DIP2B: variants seen among roughly 807,000 people sequenced by gnomAD.
The protein encoded by DIP2B is disco-interacting protein 2 homolog B.
DIP2B carries 76 observed loss-of-function variants against 198.0 expected under a neutral mutation model. The ratio of observed to expected loss-of-function variants is 0.38; its 90% CI spans 0.32 to 0.46. The LOEUF (loss-of-function observed/expected upper bound fraction) is 0.46, where lower values mean the gene tolerates loss of function less well. DIP2B is among the 20% of genes least tolerant of loss of function. The probability of loss-of-function intolerance (pLI) is 0.99; values close to 1 mark genes in which losing one functional copy is unlikely to be tolerated. For synonymous variants in DIP2B, 701 were observed against 739.1 expected, an observed-to-expected ratio of 0.95 and a Z score of 0.84; for missense variants, 1,559 against 1,978.4, an observed-to-expected ratio of 0.79 and a Z score of 4.02.
At chr12:50,526,806 T>C (rs1958170002) in intron 1 of DIP2B, among the ~76,000 whole-genome samples, 1 of 152,080 alleles carries the variant, frequency 6.6e-6, no homozygotes, top group African/African-American at 2.4e-5. Context: ...TGGCTACTTT[T>C]TGTATTTTTA....
At chr12:50,535,342 G>A (rs1233197044) in intron 1 of DIP2B, among the ~76,000 whole-genome samples, 6 of 151,478 alleles carry the variant, frequency 4.0e-5, no homozygotes, top group Admixed American at 1.3e-4. Flanking sequence ...AAGGCAGGAC[G>A]ATTGCTTGAG....
In DIP2B at chr12:50,660,215, AG is replaced by A. The variant is rs1209047314; in HGVS notation, c.325del (p.Ala109LeufsTer46). The A allele has an allele frequency of 6.2e-7, 1 of 1,612,276 alleles. No homozygotes were observed. Among genetic ancestry groups the A allele is most frequent in the Non-Finnish European group, 8.5e-7 (1 of 1,179,284 alleles). On this transcript the variant is annotated frameshift_variant, in exon 4 of 38. Transcript: ENST00000301180. LOFTEE classifies it high-confidence loss of function. ...TCAGATATCCACACAGAAGCAGTTC[AG>A]GCTGCACTGGCAAAGCATAAAGAAC... is the stretch of plus-strand genomic sequence containing the variant. ...YRSDIHTEAV[Q>X]AALAKHKEQK...
intron 1 of DIP2B, among the ~76,000 whole-genome samples, chr12:50,536,566 T>C (rs191058479): frequency 1.6e-5 from 2 of 125,154 alleles, no homozygotes; most frequent in Admixed American, 8.1e-5. Context: ...AAATAATAAT[T>C]GTGTTTTGTT....
chr12:50,733,989 T>A (rs1315298838), intron 32 of DIP2B, 146 bp from the exon 33 acceptor site: 2 of 777,064 alleles, frequency 2.6e-6, no homozygotes, highest in Non-Finnish European at 4.4e-6. Context: ...GTGATAAGAG[T>A]GAGAGCAGGG....
chr12:50,582,298 G>A (rs1259194668), intron 1 of DIP2B, among the ~76,000 whole-genome samples: 6 of 151,576 alleles, frequency 4.0e-5, no homozygotes, highest in Middle Eastern at 6.8e-3. Context: ...TTACAGGTGC[G>A]CACCACCACG....
chr12:50,571,548 GTTTTTTTTTTTT>G (rs71083600), intron 1 of DIP2B, among the ~76,000 whole-genome samples: 1 of 85,748 alleles, frequency 1.2e-5, no homozygotes, highest in Non-Finnish European at 2.1e-5. Context: ...AAACCTAGGC[GTTTTTTTTTTTT>G]TTTTTTTTTT....
chr12:50,703,832 T>C (rs1243956578), intron 19 of DIP2B, among the ~76,000 whole-genome samples: 3 of 151,742 alleles, frequency 2.0e-5, no homozygotes, highest in Non-Finnish European at 2.9e-5. Context: ...ATCTGAGATA[T>C]ATTTCGTGGA....
chr12:50,731,651 C>A, intron 31 of DIP2B, 114 bp downstream of exon 31: 1 of 1,286,750 alleles, frequency 7.8e-7, no homozygotes. Context: ...TTTTTCAAGT[C>A]ACTCAGTTAA....
chr12:50,590,366 A>AT (rs796081494), intron 1 of DIP2B, among the ~76,000 whole-genome samples: 141 of 141,216 alleles, frequency 1.0e-3, no homozygotes, highest in South Asian at 2.0e-3. Flanking sequence ...CCAAGGAGTG[A>AT]TTTTTTTTTT....
rs1939965178 is a variant in DIP2B, at chr12:50,727,855, GA to G, written c.3510+44del. 7 of 1,536,294 alleles carry G rather than the reference GA, an allele frequency of 4.6e-6. No individual in the cohort carries two copies. In the East Asian group the frequency reaches 1.6e-4, roughly 35 times the overall value. ...AAAATGCCACATCTGCCAAAAAATA[GA>G]GATGACCACTGCCCCAGAAACTATA... On this transcript the variant is annotated intron_variant, in intron 29 of 37. Coordinates refer to ENST00000301180, the MANE Select transcript of DIP2B (RefSeq NM_173602.3).
chr12:50,640,608 AC>A lies in DIP2B; in HGVS notation c.173-115del, dbSNP rs1938238428. ...ATTTATATTGAAACTCTAACCCTTT[AC>A]TGTAGATGGGGTAATAGTACCTAGC... On this transcript the variant is annotated intron_variant, in intron 2 of 37. Coordinates refer to ENST00000301180, the MANE Select transcript of DIP2B (RefSeq NM_173602.3). The A allele has an allele frequency of 5.5e-6, 6 of 1,087,760 alleles. No individual in the cohort carries two copies. In the South Asian group the frequency reaches 9.7e-5, roughly 18 times the overall value. 67.4% of individuals were successfully genotyped at this position (1,087,760 alleles called of 1,614,324 possible).
At chr12:50,702,734 TAAAAAAAAAAAAAAA>T (rs35373628) in intron 19 of DIP2B, among the ~76,000 whole-genome samples, 3 of 40,616 alleles carry the variant, frequency 7.4e-5, no homozygotes, top group Non-Finnish European at 1.1e-4. Flanking sequence ...CCTCATCTCT[TAAAAAAAAAAAAAAA>T]AAAAAAAAAG....
At chr12:50,695,514 C>T (rs1939295510) in intron 15 of DIP2B, among the ~76,000 whole-genome samples, 154 bp downstream of exon 15, 1 of 152,202 alleles carries the variant, frequency 6.6e-6, no homozygotes. Flanking sequence ...GCCTGTTCAT[C>T]TCACTGATGT....
intron 1 of DIP2B, among the ~76,000 whole-genome samples, chr12:50,601,270 G>A (rs1287972727): frequency 1.3e-5 from 2 of 152,038 alleles, no homozygotes; most frequent in African/African-American, 4.8e-5. Flanking sequence ...TACAAAGTGC[G>A]TGGAACATGA....
chr12:50,550,970 C>A (rs1958422577), intron 1 of DIP2B, among the ~76,000 whole-genome samples: 1 of 149,102 alleles, frequency 6.7e-6, no homozygotes, highest in Admixed American at 6.7e-5. Context: ...CCTGTAGTAC[C>A]CCCAGCTATT....
At chr12:50,560,647 A>G (rs1958511739) in intron 1 of DIP2B, among the ~76,000 whole-genome samples, 1 of 152,210 alleles carries the variant, frequency 6.6e-6, no homozygotes. Flanking sequence ...GCTGCTTGGG[A>G]GGCTGAGGCA....
intron 2 of DIP2B, among the ~76,000 whole-genome samples, chr12:50,633,973 A>G (rs572446100): frequency 2.5e-4 from 38 of 152,318 alleles, no homozygotes; most frequent in Admixed American, 1.2e-3. Context: ...ATTAAAATTT[A>G]TAAGATTAAA....
chr12:50,700,202 A>G (rs1939393832), intron 19 of DIP2B, among the ~76,000 whole-genome samples: 1 of 152,232 alleles, frequency 6.6e-6, no homozygotes, highest in Non-Finnish European at 1.5e-5. Context: ...CATTCTAGCT[A>G]GACTCGCACA....
chr12:50,653,477 T>A (rs1157819830), intron 3 of DIP2B, among the ~76,000 whole-genome samples: 2 of 150,492 alleles, frequency 1.3e-5, no homozygotes, highest in Non-Finnish European at 3.0e-5. Flanking sequence ...TAGCTGGTAC[T>A]ACATGAGCAG....
Sources: allele counts gnomAD v4.1 joint callset (sites outside exome capture counted in the v4.1 genomes callset), GRCh38; gene constraint gnomAD v4.1.1; transcripts MANE v1.5; gene names NCBI Gene and HGNC (gene_info 2026-07-23, HGNC 2026-07-21).